The following GDF5 variants were observed in gnomAD, a reference collection of about 807,000 sequenced individuals.
The protein encoded by GDF5 is growth differentiation factor 5, also known as growth/differentiation factor 5.
A neutral mutation model predicts 34.6 loss-of-function variants in GDF5; 17 were observed. The observed-to-expected ratio is 0.49, with a 90% CI of 0.34 to 0.74. GDF5 has a LOEUF of 0.74. GDF5 is among the 30% of genes least tolerant of loss of function. The pLI is 0.01. For synonymous variants in GDF5, 332 were observed against 290.7 expected (o/e 1.14, Z -1.44); for missense variants, 616 against 661.2 (o/e 0.93, Z 0.75).
At chr20:35,439,656 C>T (rs930192165), upstream of GDF5, among the ~76,000 whole-genome samples, 2 of 152,090 alleles carry the variant, frequency 1.3e-5, no homozygotes, top group Admixed American at 6.5e-5. Context: ...CCGTAGAGCC[C>T]CTGGGCAACT....
At chr20:35,446,304 C>T (rs775513083) in intron 1 of GDF5, among the ~76,000 whole-genome samples, 19 of 151,932 alleles carry the variant, frequency 1.3e-4, no homozygotes, top group Non-Finnish European at 2.2e-4. Flanking sequence ...GAGCGAAACT[C>T]CGTCTCAAAA....
chr20:35,452,211 A>AT (rs2062536079), intron 1 of GDF5, among the ~76,000 whole-genome samples: 1 of 151,714 alleles, frequency 6.6e-6, no homozygotes, highest in Admixed American at 6.6e-5. Context: ...TTTGGCTCAG[A>AT]TAATATCCAG....
chr20:35,442,048 C>T (rs2062499518), upstream of GDF5, among the ~76,000 whole-genome samples: 1 of 152,094 alleles, frequency 6.6e-6, no homozygotes. Flanking sequence ...ACCATGTTGC[C>T]CAGGCTGGTC....
At chr20:35,443,803 C>A (rs1242356253) in intron 1 of GDF5, among the ~76,000 whole-genome samples, 1 of 152,096 alleles carries the variant, frequency 6.6e-6, no homozygotes, top group African/African-American at 2.4e-5. Flanking sequence ...TGAGCCACTG[C>A]GCCGGCCGGC....
intron 1 of GDF5, among the ~76,000 whole-genome samples, chr20:35,446,488 A>C (rs1310710704): frequency 2.1e-5 from 3 of 144,832 alleles, no homozygotes; most frequent in Admixed American, 7.0e-5. Flanking sequence ...TCCAGGCAGG[A>C]GTGCAGTGGT....
upstream of GDF5, among the ~76,000 whole-genome samples, chr20:35,439,908 CTTTTTTTT>C (rs34397706): frequency 7.0e-5 from 5 of 71,674 alleles, no homozygotes; most frequent in African/African-American, 2.7e-4. Context: ...AGGCTTCCTT[CTTTTTTTT>C]TTTTTTTTTT....
chr20:35,446,438 C>CTT (rs11477146), intron 1 of GDF5, among the ~76,000 whole-genome samples: 29 of 136,004 alleles, frequency 2.1e-4, no homozygotes, highest in East Asian at 6.4e-4. Context: ...TTATTTATTG[C>CTT]TTTTTTTTTT....
At chr20:35,450,304 A>G (rs1224406321) in intron 1 of GDF5, among the ~76,000 whole-genome samples, 1 of 146,372 alleles carries the variant, frequency 6.8e-6, no homozygotes, top group African/African-American at 2.5e-5. Flanking sequence ...AGACTCTGTA[A>G]AAAAAAAAAA....
At chr20:35,435,696 AT>A (rs776037495) in intron 1 of GDF5, among the ~76,000 whole-genome samples, 63 of 151,758 alleles carry the variant, frequency 4.2e-4, no homozygotes, top group African/African-American at 1.5e-3. Flanking sequence ...CTACAGCCCA[AT>A]TTTCCTGGCT....
At chr20:35,442,503 C>T (rs922127926), upstream of GDF5, among the ~76,000 whole-genome samples, 2 of 150,672 alleles carry the variant, frequency 1.3e-5, no homozygotes, top group East Asian at 2.0e-4. Flanking sequence ...CATCAGCCGC[C>T]GTGCCCAGCC....
intron 1 of GDF5, 127 bp from the exon 2 acceptor site, chr20:35,434,910 G>T: frequency 9.8e-7 from 1 of 1,021,332 alleles, no homozygotes; most frequent in Non-Finnish European, 1.6e-6. Context: ...GCCCCATTCT[G>T]ACAGAAGCCA....
Position 35,433,760 on chromosome 20 carries a change from A to T in GDF5, c.*149T>A. 3 of 780,048 alleles carry T rather than the reference A, an allele frequency of 3.8e-6. No homozygotes were observed. In the Admixed American group the frequency reaches 5.5e-5, roughly 14 times the overall value. The allele number at this position is 780,048 out of a possible 1,614,324, so 48.3% of individuals were successfully genotyped here. A position where few individuals can be genotyped will look rare whatever the true frequency, so the allele number is the denominator to read the frequency against. On this transcript the variant is annotated 3_prime_UTR_variant, in exon 2 of 2. Coordinates refer to ENST00000374369, the MANE Select transcript of GDF5 (RefSeq NM_000557.5). ...AAAGGGGGCCTTTAGCCCAAGTCACACTCAGAGAGCGAGCAAGCTTATTGG... is the reference window on the plus strand; with the variant it reads ...AAAGGGGGCCTTTAGCCCAAGTCACTCTCAGAGAGCGAGCAAGCTTATTGG...
intron 1 of GDF5, among the ~76,000 whole-genome samples, chr20:35,447,124 T>C (rs1022681583): frequency 1.3e-5 from 2 of 152,184 alleles, no homozygotes; most frequent in African/African-American, 2.4e-5. Flanking sequence ...TACATATGTA[T>C]ACGTGTGCCA....
In GDF5 at chr20:35,434,466, C is replaced by T. The variant is rs775754808; in HGVS notation, c.949G>A (p.Glu317Lys). 1.2e-6 allele frequency: 2 copies of T among 1,612,542 alleles called. No individual in the cohort carries two copies. The highest frequency in any genetic ancestry group is 2.2e-5 in the South Asian group (2 of 90,984). Residue 317 changes from glutamate to lysine, a missense_variant, in exon 2 of 2, where the codon GAA becomes AAA. Physicochemically the swap from Glu to Lys is moderately conservative, Grantham distance 56. Coordinates refer to ENST00000374369, the MANE Select transcript of GDF5 (RefSeq NM_000557.5). ...CGGAGGTCCACGGCCCTGCCCCGTT[C>T]CCAGGCCTCCAGCTCCAGGCACAGC... is the stretch of plus-strand genomic sequence containing the variant. The part of the protein sequence containing the change: ...AQLCLELEAW[E>K]RGRAVDLRGL...
Position 35,437,745 on chromosome 20 carries a change from C to T in GDF5, c.184G>A (p.Gly62Ser). The T allele has an allele frequency of 6.2e-7, 1 of 1,613,168 alleles. No homozygotes were observed. Among genetic ancestry groups the T allele is most frequent in the Non-Finnish European group, 8.5e-7 (1 of 1,179,600 alleles). ...PLARNVFRPG[G>S]HSYGGGATNA... ...GTGGCCCCCCCACCATAGCTGTGACCCCCTGGCCTGAAGACGTTCCGGGCC... is the reference window on the plus strand; with the variant it reads ...GTGGCCCCCCCACCATAGCTGTGACTCCCTGGCCTGAAGACGTTCCGGGCC... The change falls in exon 1 of 2, where the codon GGT (glycine) becomes AGT (serine). Residue 62 changes from glycine (G) to serine (S), a missense_variant. Transcript: ENST00000374369.
chr20:35,442,687 G>A (rs143258976), upstream of GDF5, among the ~76,000 whole-genome samples: 15 of 151,488 alleles, frequency 9.9e-5, no homozygotes, highest in Admixed American at 4.6e-4. Context: ...TGGGACTACC[G>A]ATGCGCACCA....
At chr20:35,445,180 C>A (rs1257634427) in intron 1 of GDF5, among the ~76,000 whole-genome samples, 1 of 152,184 alleles carries the variant, frequency 6.6e-6, no homozygotes, top group Non-Finnish European at 1.5e-5. Context: ...ATTATTTCAT[C>A]TCTCCCTGCC....
chr20:35,439,942 A>T (rs1258663242), upstream of GDF5, among the ~76,000 whole-genome samples: 2 of 108,788 alleles, frequency 1.8e-5, no homozygotes, highest in African/African-American at 3.5e-5. Context: ...TTTGAGACAG[A>T]GTCTCACTCT....
Position 35,437,373 on chromosome 20 carries a change from T to C in GDF5, c.556A>G (p.Lys186Glu). 4 of 1,612,798 alleles carry C rather than the reference T, an allele frequency of 2.5e-6. No individual in the cohort carries two copies. The highest frequency in any genetic ancestry group is 3.4e-6 in the Non-Finnish European group (4 of 1,178,960). The change falls in exon 1 of 2, where the codon AAG (lysine) becomes GAG (glutamate). Residue 186 changes from lysine to glutamate, a missense_variant. Transcript: ENST00000374369. ...LYRTLSDADRKGGNSSVKLEA... is the reference protein window; with the variant it reads ...LYRTLSDADREGGNSSVKLEA... Reference sequence around the variant, plus strand: ...AACTTCACGCTGCTGTTGCCTCCCTTTCTGTCAGCATCGGACAGCGTCCTG... The same window carrying C: ...AACTTCACGCTGCTGTTGCCTCCCTCTCTGTCAGCATCGGACAGCGTCCTG...
Sources: gnomAD v4.1 joint callset for allele counts (sites outside exome capture counted in the v4.1 genomes callset) on GRCh38, gnomAD v4.1.1 for gene constraint, MANE v1.5 for transcripts, NCBI Gene and HGNC (gene_info 2026-07-23, HGNC 2026-07-21) for gene names.